FIG4: variants seen among roughly 807,000 people sequenced by gnomAD.
FIG4 encodes the protein FIG4 phosphoinositide 5-phosphatase, also known as polyphosphoinositide phosphatase.
FIG4 carries 112 observed loss-of-function variants against 118.6 expected under a neutral mutation model. The observed-to-expected ratio is 0.94, with a 90% CI of 0.81 to 1.11. The LOEUF is 1.11. FIG4 is among the 50% of genes least tolerant of loss of function. The pLI, the probability that FIG4 is intolerant of heterozygous loss-of-function variation, is 0.00. For missense variants in FIG4, 969 were observed against 1,111.7 expected, an observed-to-expected ratio of 0.87 and a Z score of 1.83; for synonymous variants, 369 against 381.2, an observed-to-expected ratio of 0.97 and a Z score of 0.37.
intron 22 of FIG4, among the ~76,000 whole-genome samples, chr6:109,823,107 G>T (rs1779058880): frequency 6.6e-6 from 1 of 151,948 alleles, no homozygotes; most frequent in African/African-American, 2.4e-5. Context: ...TGCTGTTGAT[G>T]TTGCCTAGGC....
chr6:109,725,538 A>C (rs901864496), intron 3 of FIG4, among the ~76,000 whole-genome samples: 7 of 152,154 alleles, frequency 4.6e-5, no homozygotes, highest in African/African-American at 1.7e-4. Flanking sequence ...AGTTTTTGCT[A>C]TTGTAAAATG....
intron 17 of FIG4, 147 bp downstream of exon 17, chr6:109,785,175 T>C: frequency 1.5e-6 from 1 of 647,974 alleles, no homozygotes; most frequent in South Asian, 1.8e-5. Flanking sequence ...CTTTAATAGA[T>C]AGGATATTAT....
At chr6:109,721,928 A>G (rs948973257) in intron 3 of FIG4, among the ~76,000 whole-genome samples, 2 of 152,222 alleles carry the variant, frequency 1.3e-5, no homozygotes, top group Admixed American at 1.3e-4. Context: ...TTAAAATTCA[A>G]TTAGAATGCA....
intron 2 of FIG4, 39 bp downstream of exon 2, chr6:109,715,215 T>C (rs767568889): frequency 3.0e-6 from 3 of 1,000,120 alleles, no homozygotes; most frequent in Non-Finnish European, 4.8e-6. Context: ...AAAACTTTCA[T>C]ACCTGTTGTT....
chr6:109,703,204 A>G (rs904846691), intron 1 of FIG4, among the ~76,000 whole-genome samples: 4 of 152,092 alleles, frequency 2.6e-5, no homozygotes, highest in African/African-American at 9.7e-5. Flanking sequence ...TTTCCTTTAG[A>G]GTTTTGAAGG....
intron 1 of FIG4, among the ~76,000 whole-genome samples, chr6:109,702,566 C>T (rs1277170164): frequency 6.6e-6 from 1 of 152,138 alleles, no homozygotes; most frequent in Non-Finnish European, 1.5e-5. Context: ...GGTGTTGATT[C>T]GTAGGCACCT....
intron 12 of FIG4, among the ~76,000 whole-genome samples, chr6:109,762,773 A>G (rs974366138): frequency 6.6e-6 from 1 of 151,968 alleles, no homozygotes; most frequent in African/African-American, 2.4e-5. Flanking sequence ...TATAGTTTGC[A>G]TTGTTTGCAC....
intron 22 of FIG4, among the ~76,000 whole-genome samples, chr6:109,801,456 G>A (rs998344246): frequency 6.6e-6 from 1 of 152,138 alleles, no homozygotes; most frequent in Non-Finnish European, 1.5e-5. Context: ...GCTGAGGCTG[G>A]AGAATTGCCT....
Position 109,691,464 on chromosome 6 carries a change from G to A in FIG4, c.29G>A (p.Ser10Asn), listed in dbSNP as rs979929537. 1 of 1,587,026 alleles carries A rather than the reference G, an allele frequency of 6.3e-7. No homozygotes were observed. Residue 10 changes from serine to asparagine, a missense_variant, in exon 1 of 23, where the codon AGC becomes AAC. By Grantham distance (46) the Ser-to-Asn change is conservative (BLOSUM62 1). Transcript: ENST00000230124. MPTAAAPII[S>N]SVQKLVLYET... ...CCCACGGCCGCCGCCCCCATCATCA[G>A]CTCGGTCCAGAAGCTGGTTCTGTAT... is the stretch of plus-strand genomic sequence containing the variant.
Position 109,735,270 on chromosome 6 carries a change from T to A in FIG4, c.618T>A (p.Asp206Glu), listed in dbSNP as rs1208786525. 1.9e-6 allele frequency: 3 copies of A among 1,613,586 alleles called. No homozygotes were observed. The highest frequency in any genetic ancestry group is 2.5e-6 in the Non-Finnish European group (3 of 1,179,628). ...AAGAGAGCTTTGACATCTTTGAAGA[T>A]GAAGGATTAATTACACAAGGTGGAA... ...NRQESFDIFE[D>E]EGLITQGGSG... The change falls in exon 6 of 23, where the codon GAT becomes GAA. Residue 206 changes from aspartate (D) to glutamate (E), a missense_variant. Asp to Glu is a conservative substitution (Grantham distance 45). This residue lies in a region of FIG4 where 393 missense variants were observed against 409.4 expected (regional missense o/e 0.96). Coordinates refer to ENST00000230124, the MANE Select transcript of FIG4 (RefSeq NM_014845.6).
At chr6:109,774,970 A>T (rs975638358) in intron 15 of FIG4, among the ~76,000 whole-genome samples, 2 of 152,094 alleles carry the variant, frequency 1.3e-5, no homozygotes, top group East Asian at 1.9e-4. Flanking sequence ...TCAAAAATGA[A>T]TTTTTTTCTC....
Position 109,765,174 on chromosome 6 carries a change from T to C in FIG4, c.1583+13T>C. The C allele has an allele frequency of 6.2e-7, 1 of 1,613,484 alleles. No homozygotes were observed. The highest frequency in any genetic ancestry group is 8.5e-7 in the Non-Finnish European group (1 of 1,179,420). ...CAGATGCAGTTAGGTAAGTCTTATT[T>C]TTTGCTATTTGAATGCTGATAATGG... On this transcript the variant is annotated intron_variant, in intron 14 of 22. Coordinates refer to ENST00000230124, the MANE Select transcript of FIG4 (RefSeq NM_014845.6).
At chr6:109,776,825 ATACTACTTTTG>A in intron 15 of FIG4, 86 bp from the exon 16 acceptor site, 1 of 955,176 alleles carries the variant, frequency 1.0e-6, no homozygotes, top group Non-Finnish European at 1.7e-6. Context: ...TGAACTATAA[ATACTACTTTTG>A]TACCACTATC....
intron 10 of FIG4, among the ~76,000 whole-genome samples, chr6:109,747,065 G>A (rs2128387677): frequency 6.6e-6 from 1 of 152,178 alleles, no homozygotes; most frequent in East Asian, 1.9e-4. Flanking sequence ...TGGACATGCT[G>A]AGTGAGGTTT....
At chr6:109,816,656 C>T (rs901832776) in intron 22 of FIG4, among the ~76,000 whole-genome samples, 2 of 152,114 alleles carry the variant, frequency 1.3e-5, no homozygotes, top group Admixed American at 6.5e-5. Flanking sequence ...CAGCCAAGCC[C>T]TCTCTCATTA....
intron 11 of FIG4, among the ~76,000 whole-genome samples, chr6:109,761,476 C>T (rs1777104079): frequency 6.6e-6 from 1 of 152,196 alleles, no homozygotes; most frequent in Non-Finnish European, 1.5e-5. Context: ...AACTCCACCT[C>T]CCGGGTTCAC....
rs756510682 is a variant in FIG4 at position 109,735,323 on chromosome 6, G to A, written c.646+25G>A. On this transcript the variant is annotated intron_variant, in intron 6 of 22. Transcript: ENST00000230124. ...GGTAGGTGGTCTTGATATATCTAAT[G>A]TATATTAATGTGGTATCCATGAAGT... 5.8e-5 allele frequency: 92 copies of A among 1,580,140 alleles called. No individual in the cohort carries two copies. In the East Asian group the frequency reaches 9.2e-4, roughly 16 times the overall value.
intron 10 of FIG4, among the ~76,000 whole-genome samples, chr6:109,754,585 T>C (rs1776821123): frequency 6.6e-6 from 1 of 152,242 alleles, no homozygotes; most frequent in Admixed American, 6.5e-5. Context: ...TCTTTTTAGT[T>C]GGTAAGCTAT....
chr6:109,742,495 G>T (rs77587031), intron 8 of FIG4, among the ~76,000 whole-genome samples: 2,224 of 152,164 alleles, frequency 0.015, 57 homozygotes, highest in African/African-American at 0.051. Context: ...GCTTAAAATA[G>T]CAACATTGTT....
Sources: gnomAD v4.1 joint callset for allele counts (sites outside exome capture counted in the v4.1 genomes callset) on GRCh38, gnomAD v4.1.1 for gene constraint, gnomAD v4.1.1 regional missense constraint, MANE v1.5 for transcripts, NCBI Gene and HGNC (gene_info 2026-07-23, HGNC 2026-07-21) for gene names.